Variants in WDR7 observed in about 807,000 individuals in gnomAD.
WDR7 encodes WD repeat domain 7, also known as WD repeat-containing protein 7.
Under a neutral mutation model 169.4 loss-of-function variants are expected in WDR7, and 46 were observed. The observed-to-expected ratio is 0.27, with a 90% CI of 0.21 to 0.35. WDR7 has a LOEUF of 0.35. Ranked by LOEUF, WDR7 falls within the 10% of genes least tolerant of loss-of-function variation. The probability of loss-of-function intolerance (pLI) is 1.00; values close to 1 mark genes in which losing one functional copy is unlikely to be tolerated. For missense variants in WDR7, 1,534 were observed against 1,859.3 expected (o/e 0.83, Z 3.22); for synonymous variants, 612 against 666.8 (o/e 0.92, Z 1.27).
intron 12 of WDR7, among the ~76,000 whole-genome samples, chr18:56,716,847 C>T (rs2026203255): frequency 1.3e-5 from 2 of 152,194 alleles, no homozygotes; most frequent in African/African-American, 4.8e-5. Context: ...TACCCAACCT[C>T]AGTATTGTCA....
chr18:56,852,741 CAT>C (rs562987343), intron 20 of WDR7, among the ~76,000 whole-genome samples: 458 of 152,198 alleles, frequency 3.0e-3, no homozygotes, highest in African/African-American at 0.01. Flanking sequence ...TATACATACA[CAT>C]ATATGGATAA....
rs150792324 is a variant in WDR7, at chr18:57,029,524, C to T, written c.*2317C>T. 55 of 152,250 alleles carry T rather than the reference C, an allele frequency of 3.6e-4. No homozygotes were observed. The highest frequency in any genetic ancestry group is 1.2e-3 in the African/African-American group (48 of 41,548). The allele number at this position is 152,250 out of a possible 1,614,324, so 9.4% of individuals were successfully genotyped here. On this transcript the variant is annotated 3_prime_UTR_variant, in exon 28 of 28. Coordinates refer to ENST00000254442, the MANE Select transcript of WDR7 (RefSeq NM_015285.3). The stretch of plus-strand genomic sequence containing the variant: ...TCTGCATTGTCATCCCAGCGTACAC[C>T]TTTAATGTTTTATTGATTTCACTGG...
chr18:57,011,366 T>A (rs978632520), intron 26 of WDR7, among the ~76,000 whole-genome samples: 2 of 152,242 alleles, frequency 1.3e-5, no homozygotes, highest in African/African-American at 2.4e-5. Context: ...AAGCTAGTTT[T>A]AAGAAATAAA....
At chr18:56,869,960 T>TA (rs2045930840) in intron 20 of WDR7, among the ~76,000 whole-genome samples, 1 of 152,110 alleles carries the variant, frequency 6.6e-6, no homozygotes, top group African/African-American at 2.4e-5. Context: ...ATCCACAACA[T>TA]ACATCCTCCA....
chr18:56,718,587 G>T (rs1052787185), intron 13 of WDR7, among the ~76,000 whole-genome samples: 1 of 152,134 alleles, frequency 6.6e-6, no homozygotes, highest in African/African-American at 2.4e-5. Flanking sequence ...GTTCTAGAGA[G>T]AACATTTAAA....
chr18:56,720,165 G>C (rs1166598087), intron 13 of WDR7, among the ~76,000 whole-genome samples: 1 of 152,120 alleles, frequency 6.6e-6, no homozygotes, highest in Non-Finnish European at 1.5e-5. Flanking sequence ...TCAATATTAA[G>C]ACTGGGTGCA....
chr18:56,696,225 C>T lies in WDR7; in HGVS notation c.1358-17C>T. ...ACCTTTAATTTTCCCATTTTAAATC[C>T]AAACCCTCATTCACAGGTTGGCCAC... On this transcript the variant is annotated splice_polypyrimidine_tract_variant and intron_variant, in intron 11 of 27. Transcript: ENST00000254442. 6.3e-7 allele frequency: 1 copy of T among 1,580,902 alleles called. No individual in the cohort carries two copies. Among genetic ancestry groups the T allele is most frequent in the South Asian group, 1.2e-5 (1 of 86,372 alleles).
chr18:56,683,292 T>C (rs557095198), intron 5 of WDR7, among the ~76,000 whole-genome samples: 93 of 152,300 alleles, frequency 6.1e-4, no homozygotes, highest in African/African-American at 2.1e-3. Context: ...TTAATGAAAG[T>C]TCCTGGAAGG....
At chr18:56,739,437 T>C (rs2043579038) in intron 14 of WDR7, among the ~76,000 whole-genome samples, 1 of 152,194 alleles carries the variant, frequency 6.6e-6, no homozygotes, top group South Asian at 2.1e-4. Flanking sequence ...TTAGTTGCCA[T>C]GCATTGTAAC....
At chr18:56,974,046 G>T (rs143305267) in intron 26 of WDR7, among the ~76,000 whole-genome samples, 7 of 152,108 alleles carry the variant, frequency 4.6e-5, no homozygotes, top group Non-Finnish European at 7.4e-5. Context: ...TGTAGTTCTG[G>T]AACATTTTTC....
intron 26 of WDR7, 113 bp downstream of exon 26, chr18:56,962,642 G>C: frequency 1.1e-6 from 1 of 911,764 alleles, no homozygotes; most frequent in Non-Finnish European, 1.7e-6. Context: ...TATGGATAAT[G>C]CTAAAGGGAT....
chr18:56,677,511 G>A (rs1166120021), intron 2 of WDR7, among the ~76,000 whole-genome samples: 2 of 151,930 alleles, frequency 1.3e-5, no homozygotes, highest in East Asian at 3.9e-4. Context: ...CACCCCACCT[G>A]GCTAATTTTT....
chr18:56,869,583 G>A (rs1196255525), intron 20 of WDR7, among the ~76,000 whole-genome samples: 7 of 152,078 alleles, frequency 4.6e-5, no homozygotes, highest in South Asian at 4.1e-4. Flanking sequence ...AATCTATGCC[G>A]CTAACACAAG....
rs767642939 is a variant in WDR7, at chr18:57,028,706, T to G, written c.*1499T>G. 2.6e-5 allele frequency: 4 copies of G among 152,498 alleles called. No homozygotes were observed. The highest frequency in any genetic ancestry group is 5.9e-5 in the Non-Finnish European group (4 of 68,036). The allele number at this position is 152,498 out of a possible 1,614,324, so 9.4% of individuals were successfully genotyped here. ...AGTCTAGGAACAAACATTGGTTATT[T>G]CACTGAAACAGATTTTTAAAGAGCA... On this transcript the variant is annotated 3_prime_UTR_variant, in exon 28 of 28. Transcript: ENST00000254442.
intron 20 of WDR7, among the ~76,000 whole-genome samples, chr18:56,817,457 G>T (rs1316190569): frequency 6.6e-6 from 1 of 151,984 alleles, no homozygotes; most frequent in Non-Finnish European, 1.5e-5. Context: ...GAAAGTCTAA[G>T]ATCTCCCTTG....
At chr18:56,948,354 TAACC>T (rs1212951109) in intron 25 of WDR7, among the ~76,000 whole-genome samples, 1 of 151,918 alleles carries the variant, frequency 6.6e-6, no homozygotes, top group African/African-American at 2.4e-5. Context: ...ATTTGATGTA[TAACC>T]AAGAATGATT....
intron 9 of WDR7, among the ~76,000 whole-genome samples, chr18:56,693,020 G>T (rs771420646): frequency 1.3e-5 from 2 of 152,078 alleles, no homozygotes; most frequent in African/African-American, 2.4e-5. Context: ...AGCTGTGATC[G>T]TGCCACTGCA....
chr18:56,894,186 G>A (rs185406394), intron 21 of WDR7, among the ~76,000 whole-genome samples: 125 of 151,920 alleles, frequency 8.2e-4, no homozygotes, highest in Admixed American at 1.5e-3. Flanking sequence ...ATTCTTACCC[G>A]GGTTCCTGCG....
At chr18:57,021,253 G>T (rs2048285040) in intron 27 of WDR7, among the ~76,000 whole-genome samples, 1 of 152,134 alleles carries the variant, frequency 6.6e-6, no homozygotes, top group African/African-American at 2.4e-5. Flanking sequence ...TTAAGAAGGG[G>T]GCACAGGTGC....
Sources: allele counts gnomAD v4.1 joint callset (sites outside exome capture counted in the v4.1 genomes callset), GRCh38; gene constraint gnomAD v4.1.1; transcripts MANE v1.5; gene names NCBI Gene and HGNC (gene_info 2026-07-23, HGNC 2026-07-21).